The following ARHGAP22 variants were observed in gnomAD, a reference collection of about 807,000 sequenced individuals.
ARHGAP22 encodes Rho GTPase activating protein 22.
ARHGAP22 carries 48 observed loss-of-function variants against 59.1 expected under a neutral mutation model. The ratio of observed to expected loss-of-function variants is 0.81; its 90% CI spans 0.64 to 1.03. The LOEUF (loss-of-function observed/expected upper bound fraction) is 1.03, where lower values mean the gene tolerates loss of function less well. ARHGAP22 is among the 50% of genes least tolerant of loss of function. The pLI, the probability that ARHGAP22 is intolerant of heterozygous loss-of-function variation, is 0.00. For synonymous variants in ARHGAP22, 445 were observed against 416.4 expected, an observed-to-expected ratio of 1.07 and a Z score of -0.84; for missense variants, 1,015 against 958.7, an observed-to-expected ratio of 1.06 and a Z score of -0.78.
intron 1 of ARHGAP22, among the ~76,000 whole-genome samples, chr10:48,600,200 T>C (rs960001242): frequency 6.6e-5 from 10 of 152,238 alleles, no homozygotes; most frequent in African/African-American, 2.4e-4. Flanking sequence ...ATTCTCTCAC[T>C]TTCCTTCCTT....
chr10:48,479,823 C>T lies in ARHGAP22; in HGVS notation c.323-59G>A, dbSNP rs141771231. 8,939 of 1,462,044 alleles carry T rather than the reference C, an allele frequency of 6.1e-3. 32 individuals are homozygous for T. Among genetic ancestry groups the T allele is most frequent in the Middle Eastern group, 8.2e-3 (46 of 5,590 alleles). The allele number at this position is 1,462,044 out of a possible 1,614,324, so 90.6% of individuals were successfully genotyped here. Reference sequence around the variant, plus strand: ...TCCCTGCCCGCAGCACACTCTCCACCGCCGGCACTAGTCAGCATTACTCCC... The same window carrying T: ...TCCCTGCCCGCAGCACACTCTCCACTGCCGGCACTAGTCAGCATTACTCCC... On this transcript the variant is annotated intron_variant, in intron 3 of 9. Transcript: ENST00000249601.
chr10:48,521,958 C>T (rs910012695), intron 3 of ARHGAP22, among the ~76,000 whole-genome samples: 5 of 152,224 alleles, frequency 3.3e-5, no homozygotes, highest in Admixed American at 3.3e-4. Flanking sequence ...ATTATTTGAC[C>T]AAATAACCCT....
intron 2 of ARHGAP22, among the ~76,000 whole-genome samples, chr10:48,578,849 C>A (rs1425676461): frequency 3.3e-5 from 5 of 151,942 alleles, no homozygotes; most frequent in Non-Finnish European, 4.4e-5. Context: ...CATCTTGAAT[C>A]CTACTTTATT....
intron 9 of ARHGAP22, among the ~76,000 whole-genome samples, chr10:48,449,134 A>C (rs2045645514): frequency 6.6e-6 from 1 of 152,222 alleles, no homozygotes; most frequent in Non-Finnish European, 1.5e-5. Flanking sequence ...AGCCTTCTGT[A>C]TGGTAAGAGT....
At chr10:48,482,670 T>A (rs915870052) in intron 3 of ARHGAP22, among the ~76,000 whole-genome samples, 2 of 152,222 alleles carry the variant, frequency 1.3e-5, no homozygotes, top group Non-Finnish European at 2.9e-5. Flanking sequence ...ATACATAATA[T>A]TTGTACATAT....
At chr10:48,503,899 C>G (rs1007073161) in intron 3 of ARHGAP22, among the ~76,000 whole-genome samples, 3 of 152,240 alleles carry the variant, frequency 2.0e-5, no homozygotes, top group Admixed American at 1.3e-4. Flanking sequence ...CAGATATGAA[C>G]CCCGGCTGGC....
intron 1 of ARHGAP22, among the ~76,000 whole-genome samples, chr10:48,601,313 G>T (rs759742312): frequency 6.6e-6 from 1 of 152,174 alleles, no homozygotes; most frequent in African/African-American, 2.4e-5. Flanking sequence ...GCAGGTATGA[G>T]GTCAGTTGAC....
Position 48,594,346 on chromosome 10 carries a change from C to T in ARHGAP22, c.34+10417G>A, listed in dbSNP as rs139912572. Among the ~76,000 whole-genome samples, 908 of 152,332 alleles carry T rather than the reference C, an allele frequency of 6.0e-3. 7 individuals are homozygous for T. Among genetic ancestry groups the T allele is most frequent in the Non-Finnish European group, 8.9e-3 (602 of 68,022 alleles). On this transcript the variant is annotated intron_variant, in intron 1 of 9. Transcript: ENST00000249601. ...TCTGCAGGTGAGCTGCTTGGGTGAG[C>T]CTGGGACTCCAGCCTGCCTCCTCCA...
chr10:48,602,947 C>A (rs2060470387), intron 1 of ARHGAP22, among the ~76,000 whole-genome samples: 1 of 152,162 alleles, frequency 6.6e-6, no homozygotes, highest in Non-Finnish European at 1.5e-5. Context: ...TGTTTGTATG[C>A]ATGAACGCAT....
At position 48,627,009 on chromosome 10, in the gene ARHGAP22, C is replaced by T. The variant is rs867834534; in HGVS notation, c.52+25225G>A. Among the ~76,000 whole-genome samples the T allele has an allele frequency of 2.0e-5, 3 of 152,284 alleles. No homozygotes were observed. The South Asian group carries it at 6.2e-4, about 32-fold the overall frequency. ...CCAATGATTTGATTAATCATGCCCA[C>T]GTAACGAAGCCTCCATAAAAACCCC... On this transcript the variant is annotated intron_variant, in intron 1 of 9. Coordinates refer to the ARHGAP22 transcript ENST00000435790.
intron 3 of ARHGAP22, among the ~76,000 whole-genome samples, chr10:48,481,109 C>T (rs2049274075): frequency 6.6e-6 from 1 of 152,252 alleles, no homozygotes; most frequent in South Asian, 2.1e-4. Flanking sequence ...GGGGCTCAGG[C>T]AGCCGCTGGG....
intron 9 of ARHGAP22, among the ~76,000 whole-genome samples, 196 bp downstream of exon 9, chr10:48,450,049 GCTGACTGCGTGCCAGA>G (rs575602256): frequency 0.024 from 3,683 of 152,338 alleles, 147 homozygotes; most frequent in African/African-American, 0.079. Context: ...CCTCTGCAGC[GCTGACTGCGTGCCAGA>G]CTGACTGCGT....
chr10:48,654,788 T>G, upstream of ARHGAP22, among the ~76,000 whole-genome samples: 1 of 93,734 alleles, frequency 1.1e-5, no homozygotes. Flanking sequence ...CTTTCTTTCT[T>G]TCTTTCTTTC....
intron 3 of ARHGAP22, among the ~76,000 whole-genome samples, chr10:48,522,068 A>C (rs2053855481): frequency 6.6e-6 from 1 of 152,266 alleles, no homozygotes; most frequent in African/African-American, 2.4e-5. Context: ...ATGAGCCTGC[A>C]GCATTTAAAC....
the ARHGAP22 span, among the ~76,000 whole-genome samples, chr10:48,439,826 A>G: frequency 2.0e-5 from 3 of 152,200 alleles, no homozygotes; most frequent in African/African-American, 7.2e-5. Context: ...TAATGACGCC[A>G]CTCCGTCTTG....
upstream of ARHGAP22, among the ~76,000 whole-genome samples, chr10:48,607,997 C>T (rs1268440535): frequency 3.3e-5 from 5 of 152,228 alleles, no homozygotes; most frequent in Non-Finnish European, 7.4e-5. Flanking sequence ...CTTGGCTGCA[C>T]ATTAGGGAGC....
the ARHGAP22 span, among the ~76,000 whole-genome samples, chr10:48,432,909 C>G: frequency 2.0e-5 from 3 of 152,138 alleles, no homozygotes; most frequent in Admixed American, 6.5e-5. Context: ...ATATTCTGCT[C>G]TTGATTTTGT....
chr10:48,442,150 C>T (rs535998471), downstream of ARHGAP22, among the ~76,000 whole-genome samples: 3 of 152,292 alleles, frequency 2.0e-5, no homozygotes, highest in South Asian at 6.2e-4. Context: ...AGCATGGGCT[C>T]CGGTGCCAAA....
intron 3 of ARHGAP22, among the ~76,000 whole-genome samples, chr10:48,553,628 G>A (rs1001948432): frequency 5.9e-5 from 9 of 152,120 alleles, no homozygotes; most frequent in Non-Finnish European, 1.3e-4. Flanking sequence ...GGAGTATTGT[G>A]GGAGGCAGAA....
Sources: allele counts gnomAD v4.1 joint callset (sites outside exome capture counted in the v4.1 genomes callset), GRCh38; gene constraint gnomAD v4.1.1; transcripts MANE v1.5; gene names NCBI Gene and HGNC (gene_info 2026-07-23, HGNC 2026-07-21).